The following GPBP1 variants were observed in gnomAD, a reference collection of about 807,000 sequenced individuals.
The protein encoded by GPBP1 is GC-rich promoter binding protein 1.
GPBP1 carries 13 observed loss-of-function variants against 56.5 expected under a neutral mutation model. That is an observed-to-expected ratio of 0.23 (90% CI 0.15 to 0.37). The LOEUF (loss-of-function observed/expected upper bound fraction) is 0.37, where lower values mean the gene tolerates loss of function less well. Among genes scored for constraint, GPBP1 ranks in the 10% least tolerant of loss-of-function variants. The pLI is 1.00. For synonymous variants in GPBP1, 204 were observed against 188.9 expected (o/e 1.08, Z -0.66); for missense variants, 477 against 572.3 (o/e 0.83, Z 1.70).
chr5:57,229,230 C>CAAAAAAAAAAAAAAAAAAAAAAAAAAAA (rs543005934), intron 3 of GPBP1, among the ~76,000 whole-genome samples: 1 of 77,426 alleles, frequency 1.3e-5, no homozygotes, highest in African/African-American at 5.0e-5. Context: ...GACTCCATCT[C>CAAAAAAAAAAAAAAAAAAAAAAAAAAAA]AAAAAAAAAA....
rs1213387351 is a variant in GPBP1 at position 57,260,679 on chromosome 5, A to C, written c.1161-501A>C. Reference sequence around the variant, plus strand: ...CCTTGTAGGAGTAACAGAAGTACTTAGGGGTTTCATTTTTTAAAAACAAAC... The same window carrying C: ...CCTTGTAGGAGTAACAGAAGTACTTCGGGGTTTCATTTTTTAAAAACAAAC... On this transcript the variant is annotated intron_variant, in intron 10 of 11. Transcript: ENST00000506184. Among the ~76,000 whole-genome samples, 9 of 152,290 alleles carry C rather than the reference A, an allele frequency of 5.9e-5. No individual in the cohort carries two copies. In the East Asian group the frequency reaches 1.7e-3, roughly 29 times the overall value.
chr5:57,254,115 G>T (rs575496125), intron 10 of GPBP1, among the ~76,000 whole-genome samples: 3 of 151,866 alleles, frequency 2.0e-5, no homozygotes, highest in Non-Finnish European at 2.9e-5. Context: ...TTGTAGAGAT[G>T]GGGTTTCGCC....
chr5:57,185,151 A>C (rs1021987330), intron 2 of GPBP1, among the ~76,000 whole-genome samples: 3 of 152,120 alleles, frequency 2.0e-5, no homozygotes, highest in African/African-American at 7.2e-5. Flanking sequence ...TCCCTAGCAG[A>C]ACTGCCCGGG....
intron 3 of GPBP1, among the ~76,000 whole-genome samples, chr5:57,215,690 C>G (rs942684627): frequency 6.6e-6 from 1 of 152,196 alleles, no homozygotes; most frequent in African/African-American, 2.4e-5. Context: ...ACCAGTATCT[C>G]CATTGTTTCT....
chr5:57,223,031 A>AT (rs1477300498), intron 3 of GPBP1, among the ~76,000 whole-genome samples: 2 of 151,966 alleles, frequency 1.3e-5, no homozygotes, highest in Admixed American at 6.6e-5. Context: ...GTTTGACTAT[A>AT]TTTTTTATTA....
At position 57,262,714 on chromosome 5, in the gene GPBP1, A is replaced by G; in HGVS notation, c.1384A>G (p.Thr462Ala). The G allele has an allele frequency of 6.2e-7, 1 of 1,613,946 alleles. No individual in the cohort carries two copies. The highest frequency in any genetic ancestry group is 8.5e-7 in the Non-Finnish European group (1 of 1,179,842). ...CACAACTGAGAATGATGACACAGAG[A>G]CAAGTAGCAGTGATACATCAGATGA... Reference protein sequence around the residue: ...KPTTENDDTETSSSDTSDDDD... With the variant: ...KPTTENDDTEASSSDTSDDDD... The change falls in exon 12 of 12, where the codon ACA (threonine) becomes GCA (alanine). Residue 462 changes from threonine (T) to alanine (A), a missense_variant. Thr to Ala is a moderately conservative substitution (Grantham distance 58, BLOSUM62 0). Transcript: ENST00000506184.
chr5:57,198,189 A>G (rs765745084), intron 2 of GPBP1, among the ~76,000 whole-genome samples: 2 of 152,232 alleles, frequency 1.3e-5, no homozygotes, highest in Non-Finnish European at 2.9e-5. Flanking sequence ...TCATTTCAGC[A>G]TTCTAGGGAG....
At chr5:57,230,397 A>G (rs531458003) in intron 3 of GPBP1, among the ~76,000 whole-genome samples, 5 of 152,140 alleles carry the variant, frequency 3.3e-5, no homozygotes, top group Admixed American at 3.3e-4. Flanking sequence ...ATACCTTTTT[A>G]AAAACACTTG....
rs140196171 is a variant in GPBP1, at chr5:57,221,429, T to C, written c.63+7236T>C. ...TTACTGAAAGAATATTGAACAGATA[T>C]TGAAAAATTTAGATAACTAGCAAAT... On this transcript the variant is annotated intron_variant, in intron 3 of 11. Transcript: ENST00000506184. 11,320 of 1,400,740 alleles carry C rather than the reference T, an allele frequency of 8.1e-3. 90 individuals are homozygous for C. Among genetic ancestry groups the C allele is most frequent in the Middle Eastern group, 0.015 (86 of 5,578 alleles). The allele number at this position is 1,400,740 out of a possible 1,614,324, so 86.8% of individuals were successfully genotyped here. A position where few individuals can be genotyped will look rare whatever the true frequency, so the allele number is the denominator to read the frequency against.
chr5:57,251,890 A>G (rs1433090851), intron 10 of GPBP1, among the ~76,000 whole-genome samples: 1 of 152,142 alleles, frequency 6.6e-6, no homozygotes, highest in African/African-American at 2.4e-5. Context: ...GTGGGTGTGA[A>G]GTATGATTTC....
At chr5:57,253,794 CAT>C (rs1197886220) in intron 10 of GPBP1, among the ~76,000 whole-genome samples, 1 of 151,792 alleles carries the variant, frequency 6.6e-6, no homozygotes, top group Non-Finnish European at 1.5e-5. Context: ...ACAAAAAAAA[CAT>C]AGAGATGAGC....
chr5:57,232,744 T>C (rs535222148), intron 5 of GPBP1, among the ~76,000 whole-genome samples: 39 of 152,320 alleles, frequency 2.6e-4, no homozygotes, highest in African/African-American at 9.1e-4. Flanking sequence ...TTCGGTGTAC[T>C]CTCATGGCAA....
chr5:57,234,208 T>A (rs1303505573), intron 5 of GPBP1, among the ~76,000 whole-genome samples: 11 of 152,194 alleles, frequency 7.2e-5, no homozygotes, highest in African/African-American at 2.7e-4. Flanking sequence ...TTTTATTTAA[T>A]ATATATTAAG....
chr5:57,178,815 A>G (rs904780692), intron 2 of GPBP1, among the ~76,000 whole-genome samples: 5 of 152,194 alleles, frequency 3.3e-5, no homozygotes, highest in African/African-American at 1.2e-4. Context: ...GCTTTTCCCC[A>G]GAAGTTAACA....
In GPBP1 at chr5:57,235,844, A is replaced by T. The variant is rs73127790; in HGVS notation, c.412-122A>T. On this transcript the variant is annotated intron_variant, in intron 5 of 11. Transcript: ENST00000506184. ...TTTTGTAGCTTTTCAGATTAGGGTT[A>T]TTCAACCTGTAGCTAAGAGTTGGTC... is the stretch of plus-strand genomic sequence containing the variant. 1,010 of 713,164 alleles carry T rather than the reference A, an allele frequency of 1.4e-3. 8 individuals are homozygous for T. In the African/African-American group the frequency reaches 0.017, roughly 12 times the overall value. The allele number at this position is 713,164 out of a possible 1,614,324, so 44.2% of individuals were successfully genotyped here.
chr5:57,250,856 T>C, intron 9 of GPBP1, 98 bp from the exon 10 acceptor site: 1 of 844,156 alleles, frequency 1.2e-6, no homozygotes, highest in South Asian at 1.9e-5. Flanking sequence ...CATTTATGTA[T>C]TTTCAATGGA....
rs577215511 is a variant in GPBP1 at position 57,179,707 on chromosome 5, C to T, written c.-58+3307C>T. ...CTGCCTCCCCGGTTCAAGCGATTCT[C>T]CTGCCCCTTCAGCCTCTTGAGTAGC... is the stretch of plus-strand genomic sequence containing the variant. On this transcript the variant is annotated intron_variant, in intron 2 of 11. Coordinates refer to ENST00000506184, the MANE Select transcript of GPBP1 (RefSeq NM_022913.4). Among the ~76,000 whole-genome samples, 143 of 152,144 alleles carry T rather than the reference C, an allele frequency of 9.4e-4. 2 individuals carry two copies. The highest frequency in any genetic ancestry group is 3.3e-3 in the African/African-American group (136 of 41,500).
At chr5:57,228,502 C>CAGTG (rs1756294494) in intron 3 of GPBP1, among the ~76,000 whole-genome samples, 1 of 151,460 alleles carries the variant, frequency 6.6e-6, no homozygotes, top group African/African-American at 2.4e-5. Context: ...AAGCTGGGTG[C>CAGTG]AGTGGTGCAT....
chr5:57,225,652 T>G (rs1009273967), intron 3 of GPBP1, among the ~76,000 whole-genome samples: 2 of 152,226 alleles, frequency 1.3e-5, no homozygotes, highest in East Asian at 1.9e-4. Flanking sequence ...ACTCCAACAC[T>G]TGAGAAACAC....
Sources: gnomAD v4.1 joint callset for allele counts (sites outside exome capture counted in the v4.1 genomes callset) on GRCh38, gnomAD v4.1.1 for gene constraint, MANE v1.5 for transcripts, NCBI Gene and HGNC (gene_info 2026-07-23, HGNC 2026-07-21) for gene names.